Variants in CNBD1 observed in about 807,000 individuals in gnomAD.
The protein encoded by CNBD1 is cyclic nucleotide binding domain containing 1.
CNBD1 carries 71 observed loss-of-function variants against 54.4 expected under a neutral mutation model. That is an observed-to-expected ratio of 1.30 (90% CI 1.08 to 1.59). CNBD1 has a LOEUF of 1.59. Among genes scored for constraint, CNBD1 ranks in the 40% most tolerant of loss-of-function variants. CNBD1 has a pLI of 0.00. For synonymous variants in CNBD1, 182 were observed against 170.7 expected (o/e 1.07, Z -0.51); for missense variants, 659 against 518.0 (o/e 1.27, Z -2.64).
intron 1 of CNBD1, among the ~76,000 whole-genome samples, chr8:86,869,482 G>A (rs564185497): frequency 1.1e-4 from 16 of 152,302 alleles, no homozygotes; most frequent in Non-Finnish European, 1.9e-4. Flanking sequence ...CTCCTCCACT[G>A]CTATCTTGTT....
chr8:87,200,412 A>T (rs1813833629), intron 4 of CNBD1, among the ~76,000 whole-genome samples: 1 of 152,182 alleles, frequency 6.6e-6, no homozygotes, highest in South Asian at 2.1e-4. Flanking sequence ...TTTTCATAAC[A>T]TACTTGAAGT....
chr8:87,011,610 T>C (rs976645525), intron 4 of CNBD1, among the ~76,000 whole-genome samples: 1 of 151,714 alleles, frequency 6.6e-6, no homozygotes, highest in Non-Finnish European at 1.5e-5. Context: ...TGTAAAAAAA[T>C]CTTTATAAAT....
downstream of CNBD1, among the ~76,000 whole-genome samples, chr8:87,384,557 A>G (rs1395764298): frequency 1.3e-5 from 2 of 152,158 alleles, no homozygotes; most frequent in Admixed American, 6.5e-5. Context: ...TAGGAATGAT[A>G]GAAAAATTAA....
At chr8:87,133,719 A>C (rs568053696) in intron 4 of CNBD1, among the ~76,000 whole-genome samples, 1 of 151,794 alleles carries the variant, frequency 6.6e-6, no homozygotes, top group African/African-American at 2.4e-5. Context: ...AGCATATTGC[A>C]CAGAGAAGTG....
chr8:87,324,324 A>T (rs1368047266), intron 8 of CNBD1, among the ~76,000 whole-genome samples: 1 of 126,730 alleles, frequency 7.9e-6, no homozygotes. Flanking sequence ...TCATAAAATG[A>T]GTTAGGGAGG....
intron 3 of CNBD1, among the ~76,000 whole-genome samples, chr8:86,913,294 A>G (rs1809131907): frequency 6.6e-6 from 1 of 152,176 alleles, no homozygotes; most frequent in Non-Finnish European, 1.5e-5. Context: ...AGTGCCCTTT[A>G]CAGATATACC....
intron 10 of CNBD1, among the ~76,000 whole-genome samples, chr8:87,373,280 A>T (rs1810857575): frequency 6.6e-6 from 1 of 151,848 alleles, no homozygotes; most frequent in Admixed American, 6.6e-5. Flanking sequence ...TACTTCTAAT[A>T]TAGCGGTATT....
intron 4 of CNBD1, among the ~76,000 whole-genome samples, chr8:87,043,497 G>T (rs576242032): frequency 3.3e-5 from 5 of 152,106 alleles, no homozygotes; most frequent in African/African-American, 1.2e-4. Flanking sequence ...CTGAATTTTT[G>T]ATATTTAGTT....
intron 5 of CNBD1, among the ~76,000 whole-genome samples, chr8:87,207,954 C>G (rs905381920): frequency 6.6e-6 from 1 of 152,186 alleles, no homozygotes; most frequent in Non-Finnish European, 1.5e-5. Context: ...GAAGTCAACT[C>G]ATTAAATATA....
chr8:87,008,511 A>C (rs574437178), intron 4 of CNBD1, among the ~76,000 whole-genome samples: 31 of 152,322 alleles, frequency 2.0e-4, no homozygotes, highest in African/African-American at 7.0e-4. Context: ...GTTTTTGGAT[A>C]GCCTGGGGTT....
chr8:87,288,158 C>G (rs1397678724), intron 8 of CNBD1, among the ~76,000 whole-genome samples: 1 of 152,068 alleles, frequency 6.6e-6, no homozygotes, highest in Admixed American at 6.6e-5. Flanking sequence ...AATGATGATG[C>G]CTTTTTGTTC....
chr8:87,065,484 A>T (rs1233957246), intron 4 of CNBD1, among the ~76,000 whole-genome samples: 1 of 151,868 alleles, frequency 6.6e-6, no homozygotes, highest in African/African-American at 2.4e-5. Flanking sequence ...CTAATGTTGG[A>T]TGTAGTCCCT....
chr8:87,377,958 G>C (rs1810986804), intron 10 of CNBD1, among the ~76,000 whole-genome samples: 1 of 144,534 alleles, frequency 6.9e-6, no homozygotes, highest in African/African-American at 2.6e-5. Flanking sequence ...CTTCTTTTGA[G>C]AAGTGTCTGT....
chr8:87,083,376 A>G (rs1009534799), intron 4 of CNBD1, among the ~76,000 whole-genome samples: 19 of 152,064 alleles, frequency 1.2e-4, no homozygotes, highest in Admixed American at 8.5e-4. Context: ...TTTGTCATCT[A>G]TTACCTCTAT....
chr8:87,237,010 AC>A lies in CNBD1; in HGVS notation c.671del (p.Pro224GlnfsTer60). The stretch of plus-strand genomic sequence containing the variant: ...AAAATCTGATTGAAGGAAGTGATTC[AC>A]CAGACTCGTTCATATCTCAGAGTTT... Reference protein sequence around the residue: ...YKNLIEGSDSPDSFISQSFHS... With the variant: ...YKNLIEGSDSXDSFISQSFHS... On this transcript the variant is annotated frameshift_variant, in exon 6 of 11. Transcript: ENST00000518476. LOFTEE classifies it high-confidence loss of function. 6.2e-7 allele frequency: 1 copy of A among 1,612,434 alleles called. No individual in the cohort carries two copies. Among genetic ancestry groups the A allele is most frequent in the Non-Finnish European group, 8.5e-7 (1 of 1,178,712 alleles).
chr8:87,043,956 A>G (rs1254846369), intron 4 of CNBD1, among the ~76,000 whole-genome samples: 3 of 152,108 alleles, frequency 2.0e-5, no homozygotes, highest in East Asian at 3.9e-4. Flanking sequence ...TTTTACTTCT[A>G]CCTTGGACTT....
chr8:87,370,023 C>A (rs528184894), intron 10 of CNBD1, among the ~76,000 whole-genome samples: 2 of 151,980 alleles, frequency 1.3e-5, no homozygotes, highest in Non-Finnish European at 2.9e-5. Context: ...TGATGATTTC[C>A]GATTTCATCC....
chr8:86,978,761 C>T lies in CNBD1; in HGVS notation c.431+39007C>T, dbSNP rs540355985. Among the ~76,000 whole-genome samples, 10 of 151,738 alleles carry T rather than the reference C, an allele frequency of 6.6e-5. No individual in the cohort carries two copies. In the East Asian group the frequency reaches 1.6e-3, roughly 24 times the overall value. On this transcript the variant is annotated intron_variant, in intron 4 of 10. Coordinates refer to ENST00000518476, the MANE Select transcript of CNBD1 (RefSeq NM_173538.3). ...TTTCTCCATGTTGGTCTCGAACTCCCGACCTCAGGCGATCCACCTGCCTCA... is the reference window on the plus strand; with the variant it reads ...TTTCTCCATGTTGGTCTCGAACTCCTGACCTCAGGCGATCCACCTGCCTCA...
chr8:87,143,673 A>C (rs1034791456), intron 4 of CNBD1, among the ~76,000 whole-genome samples: 4 of 152,188 alleles, frequency 2.6e-5, no homozygotes, highest in Admixed American at 1.3e-4. Context: ...ATAGATTTTT[A>C]ATTATTGTAC....
Sources: gnomAD v4.1 joint callset for allele counts (sites outside exome capture counted in the v4.1 genomes callset) on GRCh38, gnomAD v4.1.1 for gene constraint, MANE v1.5 for transcripts, NCBI Gene and HGNC (gene_info 2026-07-23, HGNC 2026-07-21) for gene names.